Variants in CACNA1C observed in about 807,000 individuals in gnomAD.
CACNA1C encodes voltage-dependent L-type calcium channel subunit alpha-1C.
A neutral mutation model predicts 229.0 loss-of-function variants in CACNA1C; 30 were observed. That is an observed-to-expected ratio of 0.13 (90% CI 0.10 to 0.18). The LOEUF is 0.18. CACNA1C is among the 10% of genes least tolerant of loss of function. The pLI is 1.00. For missense variants in CACNA1C, 1,658 were observed against 2,845.0 expected, an observed-to-expected ratio of 0.58 and a Z score of 9.49; for synonymous variants, 1,114 against 1,132.5, an observed-to-expected ratio of 0.98 and a Z score of 0.33.
Position 2,597,509 on chromosome 12 carries a change from G to C in CACNA1C, c.2853+220G>C. The C allele has an allele frequency of 6.6e-7, 1 of 1,517,048 alleles. No homozygotes were observed. The highest frequency in any genetic ancestry group is 9.2e-7 in the Non-Finnish European group (1 of 1,091,612). 94.0% of individuals were successfully genotyped at this position (1,517,048 alleles called of 1,614,324 possible). A position where few individuals can be genotyped will look rare whatever the true frequency, so the allele number is the denominator to read the frequency against. On this transcript the variant is annotated intron_variant, in intron 21 of 46. Transcript: ENST00000399655. The surrounding 1 kb of genome is among the most constrained non-coding windows in gnomAD (Gnocchi z 4.3). ...AATTATCCTTAAGGTAATGCAACCT[G>C]GGCAATGCATCCTCTGTCGCTTTCT... is the stretch of plus-strand genomic sequence containing the variant.
chr12:2,052,180 T>C (rs1009114996), upstream of CACNA1C, among the ~76,000 whole-genome samples: 6 of 152,042 alleles, frequency 3.9e-5, no homozygotes, highest in Non-Finnish European at 7.4e-5. Flanking sequence ...TTAAGAGAAG[T>C]AGGTAAGGAT....
At chr12:2,311,996 G>A (rs1260287117) in intron 3 of CACNA1C, among the ~76,000 whole-genome samples, 1 of 152,188 alleles carries the variant, frequency 6.6e-6, no homozygotes, top group Non-Finnish European at 1.5e-5. Flanking sequence ...TGTAAACTAG[G>A]AGAACCCCTG....
At chr12:2,456,764 C>T (rs575662308) in intron 4 of CACNA1C, among the ~76,000 whole-genome samples, 53 of 152,220 alleles carry the variant, frequency 3.5e-4, no homozygotes, top group Non-Finnish European at 6.9e-4. Context: ...GCTCCTCCTC[C>T]TCAGCACTCA....
intron 6 of CACNA1C, among the ~76,000 whole-genome samples, chr12:2,487,925 G>A (rs143631980): frequency 0.032 from 4,859 of 152,218 alleles, 109 homozygotes; most frequent in Non-Finnish European, 0.049. Context: ...AAAACTGACT[G>A]TGGTATGTCT....
At chr12:2,519,645 T>G (rs2239109) in intron 9 of CACNA1C, among the ~76,000 whole-genome samples, 30,613 of 152,074 alleles carry the variant, frequency 0.2, 4,193 homozygotes, top group African/African-American at 0.38. Context: ...CAACGAGATT[T>G]TGCTGTTCCC....
rs181623770 is a variant in CACNA1C, at chr12:2,250,827, A to T, written c.477+130397A>T. Among the ~76,000 whole-genome samples the T allele has an allele frequency of 2.4e-4, 36 of 152,268 alleles. No individual in the cohort carries two copies. The East Asian group carries it at 6.6e-3, about 28-fold the overall frequency. ...TGTTCTGCTCTCAGTGGAGATGACG[A>T]CAAGCCACCCAGAATAATAGCTCTA... On this transcript the variant is annotated intron_variant, in intron 3 of 46. Coordinates refer to ENST00000399655, the MANE Select transcript of CACNA1C (RefSeq NM_000719.7).
intron 1 of CACNA1C, among the ~76,000 whole-genome samples, chr12:2,060,619 G>A (rs112246705): frequency 1.3e-4 from 20 of 152,348 alleles, no homozygotes; most frequent in African/African-American, 4.6e-4. Context: ...CATGAGCCAG[G>A]CTCATGCTTA....
At chr12:2,652,088 T>G (rs1430368044) in intron 32 of CACNA1C, among the ~76,000 whole-genome samples, 7 of 152,158 alleles carry the variant, frequency 4.6e-5, no homozygotes, top group Non-Finnish European at 2.9e-5. Context: ...CAAAGGGGTT[T>G]TGTGGTAAGG....
intron 3 of CACNA1C, among the ~76,000 whole-genome samples, chr12:2,330,033 A>C (rs922705745): frequency 6.6e-6 from 1 of 152,244 alleles, no homozygotes; most frequent in Non-Finnish European, 1.5e-5. Flanking sequence ...AGTGTGGTGA[A>C]GAAGGCCACA....
chr12:2,272,812 T>C (rs890248415), intron 3 of CACNA1C, among the ~76,000 whole-genome samples: 1 of 152,226 alleles, frequency 6.6e-6, no homozygotes, highest in Admixed American at 6.5e-5. Flanking sequence ...CTACGTTACA[T>C]TTATCCGTTC....
At chr12:2,265,515 A>T (rs1301859274) in intron 3 of CACNA1C, among the ~76,000 whole-genome samples, 1 of 151,986 alleles carries the variant, frequency 6.6e-6, no homozygotes, top group Non-Finnish European at 1.5e-5. Flanking sequence ...ACCCTATCTC[A>T]TTCTCCTCCC....
intron 3 of CACNA1C, among the ~76,000 whole-genome samples, chr12:2,189,080 G>A (rs1432789870): frequency 3.3e-5 from 4 of 120,402 alleles, no homozygotes; most frequent in African/African-American, 1.4e-4. Flanking sequence ...GCGACAGAAC[G>A]AGACTCCGTC....
chr12:2,442,047 T>C (rs1359123347), intron 3 of CACNA1C, among the ~76,000 whole-genome samples: 1 of 152,196 alleles, frequency 6.6e-6, no homozygotes, highest in African/African-American at 2.4e-5. Context: ...GTAGAGTGAC[T>C]TGTCCAAGGA....
intron 46 of CACNA1C, 68 bp downstream of exon 46, chr12:2,688,847 G>A: frequency 1.6e-6 from 2 of 1,271,888 alleles, no homozygotes; most frequent in East Asian, 2.5e-5. Flanking sequence ...ATGCGGGGCT[G>A]AGAAGGGAGC....
At chr12:2,129,713 G>C (rs1189335734) in intron 3 of CACNA1C, among the ~76,000 whole-genome samples, 4 of 152,160 alleles carry the variant, frequency 2.6e-5, no homozygotes. Context: ...TAATGCTGGG[G>C]AGCTGTCAGG....
intron 3 of CACNA1C, among the ~76,000 whole-genome samples, chr12:2,255,374 G>A (rs77941610): frequency 6.6e-6 from 1 of 152,128 alleles, no homozygotes; most frequent in African/African-American, 2.4e-5. Context: ...GTCATTCGGG[G>A]TGTGACAGGC....
intron 1 of CACNA1C, chr12:1,993,451 TTCAGTA>T (rs1229761354): frequency 2.3e-5 from 36 of 1,575,576 alleles, no homozygotes; most frequent in Non-Finnish European, 3.1e-5. Flanking sequence ...ATGCTATATT[TTCAGTA>T]TAAGTACATT....
At chr12:2,035,841 C>T (rs1397641562) in intron 1 of CACNA1C, among the ~76,000 whole-genome samples, 4 of 152,192 alleles carry the variant, frequency 2.6e-5, no homozygotes, top group African/African-American at 9.6e-5. Context: ...GCTGTCTGTT[C>T]TAGTATTTAA....
intron 28 of CACNA1C, 89 bp from the exon 29 acceptor site, chr12:2,611,814 G>A (rs370309289): frequency 2.1e-5 from 16 of 774,578 alleles, no homozygotes; most frequent in African/African-American, 6.8e-5. Flanking sequence ...TTGCTGAGGC[G>A]AGGGCCTTCG....
Sources: gnomAD v4.1 joint callset for allele counts (sites outside exome capture counted in the v4.1 genomes callset) on GRCh38, gnomAD v4.1.1 for gene constraint, Gnocchi (gnomAD v3.1) non-coding constraint, MANE v1.5 for transcripts, NCBI Gene and HGNC (gene_info 2026-07-23, HGNC 2026-07-21) for gene names.